The following PPTC7 variants were observed in gnomAD, a reference collection of about 807,000 sequenced individuals.
The protein encoded by PPTC7 is protein phosphatase PTC7 homolog.
Under a neutral mutation model 30.8 loss-of-function variants are expected in PPTC7, and 6 were observed. That is an observed-to-expected ratio of 0.19 (90% CI 0.11 to 0.38). The LOEUF (loss-of-function observed/expected upper bound fraction) is 0.38. PPTC7 is among the 10% of genes least tolerant of loss of function. The probability of loss-of-function intolerance (pLI) is 1.00; values close to 1 mark genes in which losing one functional copy is unlikely to be tolerated. For missense variants in PPTC7, 218 were observed against 404.8 expected, an observed-to-expected ratio of 0.54 and a Z score of 3.96; for synonymous variants, 163 against 168.1, an observed-to-expected ratio of 0.97 and a Z score of 0.23.
Position 110,583,103 on chromosome 12 carries a change from T to G in PPTC7, c.-72A>C. 8.2e-7 allele frequency: 1 copy of G among 1,223,674 alleles called. No homozygotes were observed. Among genetic ancestry groups the G allele is most frequent in the Non-Finnish European group, 1.0e-6 (1 of 961,300 alleles). The allele number at this position is 1,223,674 out of a possible 1,614,324, so 75.8% of individuals were successfully genotyped here. A position where few individuals can be genotyped will look rare whatever the true frequency, so the allele number is the denominator to read the frequency against. On this transcript the variant is annotated 5_prime_UTR_variant, in exon 1 of 6. Coordinates refer to ENST00000354300, the MANE Select transcript of PPTC7 (RefSeq NM_139283.2). ...GGACGCGGAGGCCCGGAGCCGGCTC[T>G]CTCCTCAGCCGCAGTCGCGCCGCCG...
chr12:110,581,018 G>T (rs909320080), intron 1 of PPTC7, among the ~76,000 whole-genome samples: 4 of 152,092 alleles, frequency 2.6e-5, no homozygotes, highest in South Asian at 4.1e-4. Context: ...CCAAAGTGCT[G>T]GGATTATAGG....
chr12:110,543,975 C>G (rs2064285138), intron 3 of PPTC7, among the ~76,000 whole-genome samples: 1 of 152,182 alleles, frequency 6.6e-6, no homozygotes, highest in Non-Finnish European at 1.5e-5. Flanking sequence ...AATTGAAGCA[C>G]CAGTCTCCAA....
Position 110,578,929 on chromosome 12 carries a change from T to C in PPTC7, c.223+3880A>G, listed in dbSNP as rs182875929. On this transcript the variant is annotated intron_variant, in intron 1 of 5. Coordinates refer to ENST00000354300, the MANE Select transcript of PPTC7 (RefSeq NM_139283.2). ...GGGAGGCTGAGGCAGGTGGATGACA[T>C]GAGGTCAGGAGTTCGACACCAGCCT... 8.5e-4 allele frequency among the ~76,000 whole-genome samples: 130 copies of C among 152,258 alleles called. 2 individuals are homozygous for C. The highest frequency in any genetic ancestry group is 8.4e-3 in the Admixed American group (128 of 15,284).
At chr12:110,552,341 G>A (rs544995454) in intron 1 of PPTC7, among the ~76,000 whole-genome samples, 6 of 152,204 alleles carry the variant, frequency 3.9e-5, no homozygotes, top group East Asian at 1.9e-4. Flanking sequence ...TGCTAGTGAC[G>A]ATACAATTCA....
chr12:110,560,272 C>T (rs2064427418), intron 1 of PPTC7, among the ~76,000 whole-genome samples: 1 of 151,988 alleles, frequency 6.6e-6, no homozygotes, highest in South Asian at 2.1e-4. Flanking sequence ...TGGTGGCACA[C>T]ACCTGTAGTT....
Position 110,543,070 on chromosome 12 carries a change from C to A in PPTC7, c.602+2810G>T, listed in dbSNP as rs188201306. 2.6e-5 allele frequency among the ~76,000 whole-genome samples: 4 copies of A among 152,282 alleles called. No homozygotes were observed. In the East Asian group the frequency reaches 7.7e-4, roughly 29 times the overall value. ...CAGGAAAGCAAATCAGATACCGACC[C>A]GGAAGGGAGGCACCAGATCCAAAGC... On this transcript the variant is annotated intron_variant, in intron 3 of 5. Coordinates refer to ENST00000354300, the MANE Select transcript of PPTC7 (RefSeq NM_139283.2).
intron 1 of PPTC7, among the ~76,000 whole-genome samples, chr12:110,554,003 T>C (rs1053889558): frequency 6.6e-6 from 1 of 151,904 alleles, no homozygotes; most frequent in Non-Finnish European, 1.5e-5. Flanking sequence ...GGACTACAGG[T>C]GCTCGACACC....
intron 1 of PPTC7, among the ~76,000 whole-genome samples, chr12:110,569,923 A>G (rs1297154949): frequency 2.6e-5 from 4 of 152,208 alleles, no homozygotes; most frequent in Non-Finnish European, 5.9e-5. Flanking sequence ...AGCCACTAAC[A>G]AACACCTCAA....
At chr12:110,553,860 A>G (rs767092747) in intron 1 of PPTC7, among the ~76,000 whole-genome samples, 9 of 152,076 alleles carry the variant, frequency 5.9e-5, no homozygotes, top group Admixed American at 2.6e-4. Context: ...ACCTTTCTTT[A>G]TTTACCTATT....
intron 3 of PPTC7, among the ~76,000 whole-genome samples, chr12:110,545,320 T>C (rs1016703065): frequency 6.6e-6 from 1 of 152,214 alleles, no homozygotes; most frequent in Non-Finnish European, 1.5e-5. Flanking sequence ...CTTGAACTCC[T>C]GGCCTCAAGT....
rs11319526 is a variant in PPTC7, at chr12:110,562,286, CAAAAAAAAA to C, written c.224-10327_224-10319del. On this transcript the variant is annotated intron_variant, in intron 1 of 5. Coordinates refer to ENST00000354300, the MANE Select transcript of PPTC7 (RefSeq NM_139283.2). ...TGGGCAACAGATTGAGACTCCATCTCAAAAAAAAAAAAAAAAAAAAAAAAAAAAAATCCA... is the reference window on the plus strand; with the variant it reads ...TGGGCAACAGATTGAGACTCCATCTCAAAAAAAAAAAAAAAAAAAAATCCA... Among the ~76,000 whole-genome samples, 12 of 34,726 alleles carry C rather than the reference CAAAAAAAAA, an allele frequency of 3.5e-4. No homozygotes were observed. The East Asian group carries it at 7.7e-3, about 22-fold the overall frequency. 22.8% of individuals were successfully genotyped at this position (34,726 alleles called of 152,430 possible). A position where few individuals can be genotyped will look rare whatever the true frequency, so the allele number is the denominator to read the frequency against.
At chr12:110,579,148 C>CA (rs58157987) in intron 1 of PPTC7, among the ~76,000 whole-genome samples, 1,864 of 130,406 alleles carry the variant, frequency 0.014, 16 homozygotes, top group East Asian at 0.072. Context: ...GACTCTATCT[C>CA]AAAAAAAAAA....
At position 110,582,934 on chromosome 12, in the gene PPTC7, T is replaced by TCGCCGC. The variant is rs35409332; in HGVS notation, c.92_97dup (p.Gly31_Gly32dup). 37 of 1,546,380 alleles carry TCGCCGC rather than the reference T, an allele frequency of 2.4e-5. No homozygotes were observed. The East Asian group carries it at 2.7e-4, about 11-fold the overall frequency. On this transcript the variant is annotated inframe_insertion, in exon 1 of 6. Coordinates refer to ENST00000354300, the MANE Select transcript of PPTC7 (RefSeq NM_139283.2). ...GCAGCCGGCCGTCACCAGTCCGTAG[T>TCGCCGC]CGCCGCCGCCGCCGCCGCCGGCCCT...
At chr12:110,537,358 A>G (rs574963602) in intron 5 of PPTC7, among the ~76,000 whole-genome samples, 3 of 152,202 alleles carry the variant, frequency 2.0e-5, no homozygotes, top group South Asian at 4.2e-4. Context: ...AACAGCCACC[A>G]CACCCTCTGT....
intron 1 of PPTC7, among the ~76,000 whole-genome samples, chr12:110,571,629 G>A (rs978342975): frequency 6.6e-6 from 1 of 152,160 alleles, no homozygotes; most frequent in Non-Finnish European, 1.5e-5. Flanking sequence ...ACCTCTAACT[G>A]TGCCTAATTT....
Position 110,535,936 on chromosome 12 carries a change from C to T in PPTC7, c.*1101G>A, listed in dbSNP as rs1342288264. ...TTCCATGTGGGGTAATTGTAAATGT[C>T]AGATCATCACTGGGAGTTTTCCTCA... On this transcript the variant is annotated 3_prime_UTR_variant, in exon 6 of 6. Coordinates refer to ENST00000354300, the MANE Select transcript of PPTC7 (RefSeq NM_139283.2). The T allele has an allele frequency of 6.6e-6, 1 of 152,610 alleles. No homozygotes were observed. The highest frequency in any genetic ancestry group is 2.4e-5 in the African/African-American group (1 of 41,448). 9.5% of individuals were successfully genotyped at this position (152,610 alleles called of 1,614,324 possible).
intron 1 of PPTC7, among the ~76,000 whole-genome samples, chr12:110,565,932 G>C (rs757221441): frequency 2.0e-5 from 3 of 152,180 alleles, no homozygotes; most frequent in Non-Finnish European, 2.9e-5. Flanking sequence ...TGTCTGAAAT[G>C]AGCCTTGAAG....
intron 1 of PPTC7, among the ~76,000 whole-genome samples, chr12:110,577,588 T>C (rs2064600324): frequency 6.6e-6 from 1 of 152,252 alleles, no homozygotes; most frequent in Non-Finnish European, 1.5e-5. Context: ...ATATGATCTT[T>C]ACACCTCAAG....
intron 1 of PPTC7, among the ~76,000 whole-genome samples, chr12:110,577,172 A>G (rs1474363986): frequency 6.6e-6 from 1 of 151,242 alleles, no homozygotes; most frequent in African/African-American, 2.4e-5. Flanking sequence ...GTCTCAAAAA[A>G]AAAAAAAAAA....
Sources: allele counts gnomAD v4.1 joint callset (sites outside exome capture counted in the v4.1 genomes callset), GRCh38; gene constraint gnomAD v4.1.1; transcripts MANE v1.5; gene names NCBI Gene and HGNC (gene_info 2026-07-23, HGNC 2026-07-21).